Variants in SS18 observed in about 807,000 individuals in gnomAD.
SS18 encodes protein SSXT.
SS18 carries 28 observed loss-of-function variants against 72.5 expected under a neutral mutation model. The ratio of observed to expected loss-of-function variants is 0.39; its 90% CI spans 0.29 to 0.53. The LOEUF (loss-of-function observed/expected upper bound fraction) is 0.53. SS18 is among the 20% of genes least tolerant of loss of function. SS18 has a pLI of 0.76. For synonymous variants in SS18, 172 were observed against 164.2 expected (o/e 1.05, Z -0.37); for missense variants, 518 against 535.3 (o/e 0.97, Z 0.32).
intron 1 of SS18, chr18:26,090,225 G>A (rs555006182): frequency 1.5e-5 from 7 of 476,750 alleles, no homozygotes; most frequent in East Asian, 7.9e-5. Flanking sequence ...CAGCCCGAAC[G>A]CCGCCCCATC....
At chr18:26,028,785 C>T (rs1278501070) in intron 10 of SS18, among the ~76,000 whole-genome samples, 1 of 152,096 alleles carries the variant, frequency 6.6e-6, no homozygotes, top group Non-Finnish European at 1.5e-5. Context: ...CAAAGGGGCA[C>T]AGGGAAAACT....
intron 5 of SS18, among the ~76,000 whole-genome samples, chr18:26,045,393 G>C (rs768922981): frequency 1.3e-4 from 19 of 151,996 alleles, no homozygotes; most frequent in Non-Finnish European, 2.4e-4. Flanking sequence ...AGTTCGACGG[G>C]TCTCCTTGCT....
intron 10 of SS18, among the ~76,000 whole-genome samples, chr18:26,028,796 T>G (rs188928488): frequency 2.7e-3 from 406 of 152,268 alleles, no homozygotes; most frequent in Non-Finnish European, 4.0e-3. Context: ...AGGGAAAACT[T>G]CTGGGCATGA....
At chr18:26,072,394 GT>G (rs11339747) in intron 3 of SS18, among the ~76,000 whole-genome samples, 37,309 of 150,318 alleles carry the variant, frequency 0.25, 8,004 homozygotes, top group African/African-American at 0.58. Context: ...TCATAATATC[GT>G]TATCTCTAAC....
intron 10 of SS18, among the ~76,000 whole-genome samples, chr18:26,025,745 T>C (rs369229698): frequency 3.3e-5 from 5 of 152,226 alleles, no homozygotes; most frequent in South Asian, 4.1e-4. Flanking sequence ...ACTGGTAACT[T>C]TGCACCAAAC....
chr18:26,078,649 C>A (rs1205914208), intron 2 of SS18, among the ~76,000 whole-genome samples: 1 of 152,050 alleles, frequency 6.6e-6, no homozygotes, highest in Non-Finnish European at 1.5e-5. Flanking sequence ...CCTTTAGGAG[C>A]CCAAGGTGGG....
rs200676011 is a variant in SS18, at chr18:26,024,042, GAACCTTGAA to G, written c.1231-5671_1231-5663del. 8.7e-3 allele frequency among the ~76,000 whole-genome samples: 1,328 copies of G among 152,012 alleles called. 9 individuals are homozygous for G. Among genetic ancestry groups the G allele is most frequent in the Admixed American group, 0.015 (227 of 15,250 alleles). Reference sequence around the variant, plus strand: ...AGACACTGATACACGCTACACAGACGAACCTTGAAAATATTATTTTAAGTAAAAAAAACA... The same window carrying G: ...AGACACTGATACACGCTACACAGACGAATATTATTTTAAGTAAAAAAAACA... On this transcript the variant is annotated intron_variant, in intron 10 of 10. Coordinates refer to ENST00000415083, the MANE Select transcript of SS18 (RefSeq NM_001007559.3).
chr18:26,038,815 T>C (rs1185278976), intron 6 of SS18, among the ~76,000 whole-genome samples, 156 bp from the exon 7 acceptor site: 2 of 152,192 alleles, frequency 1.3e-5, no homozygotes, highest in Non-Finnish European at 2.9e-5. Context: ...CATATACATA[T>C]GCATACATAC....
At chr18:26,042,778 C>G (rs1026595404) in intron 5 of SS18, among the ~76,000 whole-genome samples, 1 of 151,886 alleles carries the variant, frequency 6.6e-6, no homozygotes, top group African/African-American at 2.4e-5. Flanking sequence ...TAGTGACACA[C>G]AATTAGGTAG....
intron 3 of SS18, among the ~76,000 whole-genome samples, chr18:26,059,653 T>G (rs985622755): frequency 6.6e-6 from 1 of 152,166 alleles, no homozygotes; most frequent in Non-Finnish European, 1.5e-5. Context: ...GAAATTGAAA[T>G]AGATCAGCCC....
chr18:26,049,689 C>T (rs914499806), intron 5 of SS18, among the ~76,000 whole-genome samples: 2 of 152,034 alleles, frequency 1.3e-5, no homozygotes, highest in Non-Finnish European at 2.9e-5. Context: ...TTTCACATTT[C>T]TTTTTGTAAA....
intron 2 of SS18, among the ~76,000 whole-genome samples, chr18:26,085,090 T>C (rs1568035209): frequency 1.3e-5 from 2 of 152,224 alleles, no homozygotes; most frequent in Non-Finnish European, 2.9e-5. Flanking sequence ...AAGTGGGCTA[T>C]GTAATCGTTT....
intron 4 of SS18, among the ~76,000 whole-genome samples, chr18:26,054,739 CTCTCTTTT>C: frequency 6.6e-6 from 1 of 150,980 alleles, no homozygotes; most frequent in African/African-American, 2.4e-5. Flanking sequence ...GAAAATCTCT[CTCTCTTTT>C]TTTTTTTTTT....
intron 3 of SS18, among the ~76,000 whole-genome samples, chr18:26,069,507 TAA>T (rs11329781): frequency 0.021 from 1,827 of 85,970 alleles, 20 homozygotes; most frequent in African/African-American, 0.047. Context: ...CCTACCAAAG[TAA>T]AAAAAAAAAA....
chr18:26,038,771 T>G lies in SS18; in HGVS notation c.776-112A>C, dbSNP rs1267111453. Reference sequence around the variant, plus strand: ...TATTTCTCAACTATAGATTCCCATCTCATAATTTGGCATTTCAGATACTTT... The same window carrying G: ...TATTTCTCAACTATAGATTCCCATCGCATAATTTGGCATTTCAGATACTTT... On this transcript the variant is annotated intron_variant, in intron 6 of 10. Transcript: ENST00000415083. The G allele has an allele frequency of 7.8e-6, 8 of 1,024,090 alleles. No homozygotes were observed. In the East Asian group the frequency reaches 2.0e-4, roughly 26 times the overall value. The allele number at this position is 1,024,090 out of a possible 1,614,324, so 63.4% of individuals were successfully genotyped here. A position where few individuals can be genotyped will look rare whatever the true frequency, so the allele number is the denominator to read the frequency against.
chr18:26,053,380 A>G (rs1270653016), intron 4 of SS18, among the ~76,000 whole-genome samples: 6 of 151,742 alleles, frequency 4.0e-5, no homozygotes, highest in African/African-American at 1.5e-4. Flanking sequence ...AAAAGAAGAA[A>G]CCATAAAAGA....
chr18:26,061,898 A>G (rs1479188439), intron 3 of SS18, among the ~76,000 whole-genome samples: 6 of 152,168 alleles, frequency 3.9e-5, no homozygotes, highest in East Asian at 1.9e-4. Flanking sequence ...AACATTTAAA[A>G]TAACAGTAAT....
chr18:26,057,573 G>A lies in SS18; in HGVS notation c.385+16C>T. ...AAGCAACTCTGGTGTTAATGTCTTA[G>A]AGGAGAAAAACTTACCAGGCATCTG... On this transcript the variant is annotated intron_variant, in intron 4 of 10. Coordinates refer to ENST00000415083, the MANE Select transcript of SS18 (RefSeq NM_001007559.3). 1 of 1,613,836 alleles carries A rather than the reference G, an allele frequency of 6.2e-7. No homozygotes were observed.
At chr18:26,024,513 C>G (rs919182651) in intron 10 of SS18, among the ~76,000 whole-genome samples, 1 of 152,110 alleles carries the variant, frequency 6.6e-6, no homozygotes, top group Non-Finnish European at 1.5e-5. Flanking sequence ...GTGGGGGTCT[C>G]GCTTTGTTGC....
Sources: gnomAD v4.1 joint callset for allele counts (sites outside exome capture counted in the v4.1 genomes callset) on GRCh38, gnomAD v4.1.1 for gene constraint, MANE v1.5 for transcripts, NCBI Gene and HGNC (gene_info 2026-07-23, HGNC 2026-07-21) for gene names.